The following A2ML1 variants were observed in gnomAD, a reference collection of about 807,000 sequenced individuals.
A2ML1 encodes alpha-2-macroglobulin like 1, also known as alpha-2-macroglobulin-like protein 1.
A neutral mutation model predicts 181.9 loss-of-function variants in A2ML1; 161 were observed. The ratio of observed to expected loss-of-function variants is 0.89; its 90% CI spans 0.78 to 1.01. A2ML1 has a LOEUF of 1.01. A2ML1 is among the 50% of genes least tolerant of loss of function. The pLI is 0.00. For missense variants in A2ML1, 1,670 were observed against 1,768.1 expected (o/e 0.94, Z 1.00); for synonymous variants, 663 against 666.8 (o/e 0.99, Z 0.09).
rs374704876 is a variant in A2ML1, at chr12:8,826,809, G to C, written c.410-2918G>C. Among the ~76,000 whole-genome samples, 11 of 152,160 alleles carry C rather than the reference G, an allele frequency of 7.2e-5. 3 individuals are homozygous for C. The highest frequency in any genetic ancestry group is 2.6e-4 in the African/African-American group (11 of 41,536). Reference sequence around the variant, plus strand: ...AATTTTTGTATTTTTGGTAGAGATGGAGTTTCGCCATGTTGGCCAGGCTGG... The same window carrying C: ...AATTTTTGTATTTTTGGTAGAGATGCAGTTTCGCCATGTTGGCCAGGCTGG... On this transcript the variant is annotated intron_variant, in intron 3 of 35. Transcript: ENST00000299698.
intron 29 of A2ML1, among the ~76,000 whole-genome samples, chr12:8,865,872 G>A (rs915271621): frequency 6.6e-6 from 1 of 152,180 alleles, no homozygotes; most frequent in African/African-American, 2.4e-5. Flanking sequence ...TGAGGCTACA[G>A]AAATAACTAA....
rs747949990 is a variant in A2ML1, at chr12:8,847,655, G to A, written c.1790G>A (p.Ser597Asn). The A allele has an allele frequency of 2.5e-6, 4 of 1,613,836 alleles. No homozygotes were observed. The South Asian group carries it at 4.4e-5, about 18-fold the overall frequency. Reference protein sequence around the residue: ...SLCALRAVDESVLLLRPDREL... With the variant: ...SLCALRAVDENVLLLRPDREL... ...TGTGCGCTCCGGGCGGTGGATGAGA[G>A]TGTCTTACTGCTTAGGCCAGACAGA... is the stretch of plus-strand genomic sequence containing the variant. Residue 597 changes from serine to asparagine, a missense_variant, in exon 15 of 36, where the codon AGT (serine) becomes AAT (asparagine). Transcript: ENST00000299698.
chr12:8,843,376 C>T lies in A2ML1; in HGVS notation c.1476+15C>T, dbSNP rs759159005. ...TCTCCTACTATGTGAGACCGGGAAA[C>T]GGGGACGGGTGAGAGTATGCTGGGA... is the stretch of plus-strand genomic sequence containing the variant. On this transcript the variant is annotated intron_variant, in intron 12 of 35. Coordinates refer to ENST00000299698, the MANE Select transcript of A2ML1 (RefSeq NM_144670.6). 3.2e-5 allele frequency: 52 copies of T among 1,609,272 alleles called. No homozygotes were observed. Among genetic ancestry groups the T allele is most frequent in the South Asian group, 7.7e-5 (7 of 90,914 alleles).
rs765836288 is a variant in A2ML1, at chr12:8,834,567, A to G, written c.463-95A>G. The stretch of plus-strand genomic sequence containing the variant: ...AGAAATGAAGAAATGGGCAAGAGGG[A>G]AAGGAAGAATTCTTTGTGAACTTTT... On this transcript the variant is annotated intron_variant, in intron 4 of 35. Transcript: ENST00000299698. 4.8e-6 allele frequency: 7 copies of G among 1,461,860 alleles called. No homozygotes were observed. The African/African-American group carries it at 8.5e-5, about 18-fold the overall frequency. 90.6% of individuals were successfully genotyped at this position (1,461,860 alleles called of 1,614,324 possible).
In A2ML1 at chr12:8,884,559, C is replaced by T. The variant is rs975004126; in HGVS notation, c.*95-1948C>T. 9.2e-5 allele frequency among the ~76,000 whole-genome samples: 14 copies of T among 151,808 alleles called. No individual in the cohort carries two copies. In the East Asian group the frequency reaches 9.7e-4, roughly 10 times the overall value. Reference sequence around the variant, plus strand: ...TTTTCTTTTTTTTCTTTTTTTAAGACGAAGTCTCACTCTGTTGCCCAAGCT... The same window carrying T: ...TTTTCTTTTTTTTCTTTTTTTAAGATGAAGTCTCACTCTGTTGCCCAAGCT... On this transcript the variant is annotated intron_variant and NMD_transcript_variant, in intron 7 of 7. Transcript: ENST00000537475.
Position 8,846,087 on chromosome 12 carries a change from C to T in A2ML1, c.1548C>T (p.Ala516=). ...CCTCTTCTCTTTCAGGACTGAAAGCCTCCTTCTCTCTCTCACTGACCTTCA... is the reference window on the plus strand; with the variant it reads ...CCTCTTCTCTTTCAGGACTGAAAGCTTCCTTCTCTCTCTCACTGACCTTCA... ...HLNSKKKGLK[A]SFSLSLTFTS... is the part of the protein sequence containing the mutation. The change falls in exon 14 of 36, where the codon GCC becomes GCT. Residue 516 remains alanine, a synonymous_variant. Coordinates refer to ENST00000299698, the MANE Select transcript of A2ML1 (RefSeq NM_144670.6). The T allele has an allele frequency of 1.2e-6, 2 of 1,614,124 alleles. No homozygotes were observed. Among genetic ancestry groups the T allele is most frequent in the South Asian group, 1.1e-5 (1 of 91,076 alleles).
chr12:8,838,283 A>G, intron 8 of A2ML1, 53 bp from the exon 9 acceptor site: 1 of 1,227,294 alleles, frequency 8.1e-7, no homozygotes, highest in Non-Finnish European at 1.2e-6. Flanking sequence ...AAATGGATGT[A>G]GAGATTAGAT....
At chr12:8,837,121 C>T (rs769684365) in intron 7 of A2ML1, among the ~76,000 whole-genome samples, 10 of 152,004 alleles carry the variant, frequency 6.6e-5, no homozygotes, top group Admixed American at 6.5e-5. Flanking sequence ...CAGGTTCAAG[C>T]GATTCTCCTG....
intron 12 of A2ML1, chr12:8,844,998 G>C (rs1943618246): frequency 7.1e-7 from 1 of 1,412,664 alleles, no homozygotes; most frequent in Non-Finnish European, 9.2e-7. Context: ...CTCCTCTAGA[G>C]GGTTCAATGT....
chr12:8,869,926 T>C (rs73040654), intron 33 of A2ML1, among the ~76,000 whole-genome samples: 8,685 of 152,316 alleles, frequency 0.057, 349 homozygotes, highest in Non-Finnish European at 0.089. Flanking sequence ...CCTCATCACT[T>C]TATAGCTATT....
Position 8,822,639 on chromosome 12 carries a change from C to G in A2ML1, c.-13C>G. 6.2e-7 allele frequency: 1 copy of G among 1,613,416 alleles called. No homozygotes were observed. Among genetic ancestry groups the G allele is most frequent in the Non-Finnish European group, 8.5e-7 (1 of 1,179,416 alleles). On this transcript the variant is annotated 5_prime_UTR_variant, in exon 1 of 36. Coordinates refer to ENST00000299698, the MANE Select transcript of A2ML1 (RefSeq NM_144670.6). ...TGCCCCTGACCCTGGAAAAATCTGT[C>G]TCACCCACAAAGATGTGGGCTCAGC...
At chr12:8,843,721 C>CTTT (rs756360339) in intron 12 of A2ML1, among the ~76,000 whole-genome samples, 7 of 133,608 alleles carry the variant, frequency 5.2e-5, no homozygotes, top group South Asian at 2.4e-4. Context: ...CTTTTTTTTT[C>CTTT]TTTTTTTTTT....
Position 8,852,317 on chromosome 12 carries a change from C to T in A2ML1, c.2571C>T (p.Asn857=), listed in dbSNP as rs1338695836. The change falls in exon 20 of 36, where the codon AAC becomes AAT. Residue 857 remains asparagine, a synonymous_variant. Transcript: ENST00000299698. This position sits in a 1 kb window ranked among gnomAD's most constrained non-coding sequence, Gnocchi z 4.2. ...ATGACGCAAAAACCCACCACTGGAA[C>T]ATCACAGCTGTCAAATTGGGTAAGA... ...CADDAKTHHW[N]ITAVKLGHIN... 6.2e-7 allele frequency: 1 copy of T among 1,614,186 alleles called. No homozygotes were observed. Among genetic ancestry groups the T allele is most frequent in the East Asian group, 2.2e-5 (1 of 44,882 alleles).
At chr12:8,835,735 C>T (rs771653253) in intron 6 of A2ML1, 69 bp downstream of exon 6, 58 of 1,586,290 alleles carry the variant, frequency 3.7e-5, no homozygotes, top group East Asian at 3.4e-4. Flanking sequence ...AAGGTGGAGC[C>T]GGGCGCAGTG....
At chr12:8,878,857 G>A (rs1031369234), downstream of A2ML1, among the ~76,000 whole-genome samples, 3 of 152,162 alleles carry the variant, frequency 2.0e-5, no homozygotes, top group African/African-American at 7.2e-5. This position sits in a 1 kb window ranked among gnomAD's most constrained non-coding sequence, Gnocchi z 4.4. Flanking sequence ...CAGCTACTCC[G>A]GAGGCTGAGG....
intron 11 of A2ML1, among the ~76,000 whole-genome samples, chr12:8,842,820 T>G (rs990635226): frequency 4.6e-5 from 7 of 152,356 alleles, no homozygotes; most frequent in African/African-American, 1.7e-4. Context: ...TAATCTTTGA[T>G]TTCTATATAA....
chr12:8,882,370 G>C (rs773246744), intron 7 of A2ML1, among the ~76,000 whole-genome samples: 11 of 152,276 alleles, frequency 7.2e-5, no homozygotes, highest in African/African-American at 2.6e-4. Context: ...GTAGGAAGTG[G>C]AAAGGAACCA....
At chr12:8,866,473 A>G (rs1461828645) in intron 29 of A2ML1, among the ~76,000 whole-genome samples, 1 of 152,058 alleles carries the variant, frequency 6.6e-6, no homozygotes. Flanking sequence ...ATAATATATA[A>G]TAATATTTTT....
rs773062742 is a variant in A2ML1, at chr12:8,847,667, T to C, written c.1802T>C (p.Leu601Pro). ...GCGGTGGATGAGAGTGTCTTACTGCTTAGGCCAGACAGAGAGCTGAGCAAC... is the reference window on the plus strand; with the variant it reads ...GCGGTGGATGAGAGTGTCTTACTGCCTAGGCCAGACAGAGAGCTGAGCAAC... ...LRAVDESVLL[L>P]RPDRELSNRS... Residue 601 changes from leucine to proline, a missense_variant, in exon 15 of 36, where the codon CTT (leucine) becomes CCT (proline). Coordinates refer to ENST00000299698, the MANE Select transcript of A2ML1 (RefSeq NM_144670.6). 1.7e-5 allele frequency: 27 copies of C among 1,613,372 alleles called. No homozygotes were observed. Among genetic ancestry groups the C allele is most frequent in the Non-Finnish European group, 2.0e-5 (24 of 1,179,770 alleles).
Sources: allele counts gnomAD v4.1 joint callset (sites outside exome capture counted in the v4.1 genomes callset), GRCh38; gene constraint gnomAD v4.1.1; non-coding constraint Gnocchi (gnomAD v3.1); transcripts MANE v1.5; gene names NCBI Gene and HGNC (gene_info 2026-07-23, HGNC 2026-07-21).